The following INTS3 variants were observed in gnomAD, a reference collection of about 807,000 sequenced individuals.
INTS3 encodes the protein SOSS complex subunit A.
A neutral mutation model predicts 146.3 loss-of-function variants in INTS3; 34 were observed. That is an observed-to-expected ratio of 0.23 (90% CI 0.18 to 0.31). The LOEUF is 0.31. Among genes scored for constraint, INTS3 ranks in the 10% least tolerant of loss-of-function variants. The pLI is 1.00. For missense variants in INTS3, 757 were observed against 1,304.2 expected (o/e 0.58, Z 6.46); for synonymous variants, 475 against 494.9 (o/e 0.96, Z 0.53).
chr1:153,734,345 A>C (rs1430406468), intron 1 of INTS3, among the ~76,000 whole-genome samples: 1 of 152,134 alleles, frequency 6.6e-6, no homozygotes. Context: ...AATGATTTGT[A>C]ATCAATTTTC....
chr1:153,740,902 C>G (rs1671506361), intron 2 of INTS3, among the ~76,000 whole-genome samples, 168 bp downstream of exon 2: 1 of 152,140 alleles, frequency 6.6e-6, no homozygotes, highest in Admixed American at 6.5e-5. Context: ...GGGAGCCTAT[C>G]TCTTGGAGCC....
intron 18 of INTS3, 139 bp downstream of exon 18, chr1:153,764,360 T>A (rs1334139820): frequency 3.0e-6 from 2 of 659,288 alleles, no homozygotes; most frequent in Non-Finnish European, 5.5e-6. Context: ...ACCAACTCAT[T>A]TAAACAAGAG....
chr1:153,764,025 A>T, intron 17 of INTS3, 93 bp from the exon 18 acceptor site: 1 of 1,294,850 alleles, frequency 7.7e-7, no homozygotes. Context: ...CTGATCCTGG[A>T]GGTGGAAGCA....
intron 23 of INTS3, 71 bp from the exon 24 acceptor site, chr1:153,770,125 GGT>G (rs1672776014): frequency 9.3e-5 from 55 of 589,412 alleles, no homozygotes; most frequent in Non-Finnish European, 1.2e-4. Context: ...TGGATGGGGG[GGT>G]GGGGGGGGTG....
chr1:153,754,673 C>A lies in INTS3; in HGVS notation c.891C>A (p.Ser297=). The change falls in exon 9 of 30, where the codon TCC becomes TCA. Residue 297 remains serine, a synonymous_variant. Transcript: ENST00000318967. ...TACAGCTTCTTCAGTCAAGAACATCCCGAAAATTCCTAGCATGTCGTCTAA... is the reference window on the plus strand; with the variant it reads ...TACAGCTTCTTCAGTCAAGAACATCACGAAAATTCCTAGCATGTCGTCTAA... ...GILQLLQSRT[S]RKFLACRLTP... is the part of the protein sequence containing the mutation. The A allele has an allele frequency of 6.2e-7, 1 of 1,613,224 alleles. No homozygotes were observed. The highest frequency in any genetic ancestry group is 8.5e-7 in the Non-Finnish European group (1 of 1,179,152).
At chr1:153,770,869 C>G in intron 25 of INTS3, 136 bp downstream of exon 25, 5 of 718,886 alleles carry the variant, frequency 7.0e-6, no homozygotes, top group Non-Finnish European at 9.8e-6. Context: ...TGCCCTTCCC[C>G]CAACGTGACT....
chr1:153,770,559 C>T, intron 24 of INTS3, 126 bp from the exon 25 acceptor site: 1 of 824,098 alleles, frequency 1.2e-6, no homozygotes, highest in East Asian at 2.6e-5. Flanking sequence ...GTAGGGGATT[C>T]TTCCTGGCTC....
intron 1 of INTS3, among the ~76,000 whole-genome samples, chr1:153,734,261 G>A (rs950215071): frequency 2.6e-5 from 4 of 152,156 alleles, no homozygotes; most frequent in South Asian, 2.1e-4. Context: ...GGGGAAAAGC[G>A]TTGCTATTAC....
chr1:153,760,968 T>G, intron 13 of INTS3, 50 bp downstream of exon 13: 5 of 1,581,566 alleles, frequency 3.2e-6, no homozygotes, highest in Non-Finnish European at 4.3e-6. Context: ...TTTCATTAGG[T>G]CCAGGTGTAT....
intron 25 of INTS3, among the ~76,000 whole-genome samples, chr1:153,771,336 G>A (rs554534698): frequency 4.5e-4 from 69 of 152,272 alleles, no homozygotes; most frequent in African/African-American, 1.6e-3. Context: ...ACTATAAATG[G>A]TACAGAGTGT....
intron 13 of INTS3, chr1:153,761,155 T>G: frequency 1.9e-6 from 2 of 1,073,796 alleles, no homozygotes; most frequent in Non-Finnish European, 2.6e-6. Flanking sequence ...TTCAGGGATC[T>G]GAGTATGGTC....
At chr1:153,739,920 C>G (rs1671458714) in intron 1 of INTS3, among the ~76,000 whole-genome samples, 2 of 146,746 alleles carry the variant, frequency 1.4e-5, no homozygotes, top group African/African-American at 5.1e-5. Context: ...TCAGTCTCCT[C>G]CTCCTGAGTA....
chr1:153,732,748 A>G (rs1671125324), intron 1 of INTS3, among the ~76,000 whole-genome samples: 1 of 151,198 alleles, frequency 6.6e-6, no homozygotes, highest in South Asian at 2.1e-4. Flanking sequence ...GTGCCTGGCC[A>G]TCCTTGGGGA....
At chr1:153,760,677 G>A (rs1056225357) in intron 12 of INTS3, 150 bp from the exon 13 acceptor site, 1 of 699,294 alleles carries the variant, frequency 1.4e-6, no homozygotes, top group Non-Finnish European at 2.5e-6. Flanking sequence ...TCATTTGAGT[G>A]GCCTGGAGTG....
intron 18 of INTS3, among the ~76,000 whole-genome samples, chr1:153,764,480 T>C (rs1672500395): frequency 6.6e-6 from 1 of 152,202 alleles, no homozygotes; most frequent in African/African-American, 2.4e-5. Context: ...TTAGGTGTGA[T>C]TGGACCTTGG....
intron 10 of INTS3, among the ~76,000 whole-genome samples, chr1:153,759,059 G>A (rs543254747): frequency 6.0e-4 from 91 of 152,190 alleles, no homozygotes; most frequent in African/African-American, 2.1e-3. Context: ...CAAGGCTGGA[G>A]TAAGCCGTGA....
At position 153,772,653 on chromosome 1, in the gene INTS3, C is replaced by A. The variant is rs772671389; in HGVS notation, c.2836C>A (p.Pro946Thr). Residue 946 changes from proline (P) to threonine (T), a missense_variant, in exon 28 of 30, where the codon CCA becomes ACA. Physicochemically the swap from Pro to Thr is conservative, Grantham distance 38 (BLOSUM62 -1). Coordinates refer to ENST00000318967, the MANE Select transcript of INTS3 (RefSeq NM_023015.5). The surrounding 1 kb of genome is among the most constrained non-coding windows in gnomAD (Gnocchi z 4.6). Reference protein sequence around the residue: ...NTKQNFFSQTPILQALQHVQA... With the variant: ...NTKQNFFSQTTILQALQHVQA... ...TCTTCCTCTAGTTTTTAGCCAGACG[C>A]CAATTCTCCAGGCGCTGCAGCATGT... is the stretch of plus-strand genomic sequence containing the variant. 6.2e-7 allele frequency: 1 copy of A among 1,614,218 alleles called. No individual in the cohort carries two copies. Among genetic ancestry groups the A allele is most frequent in the East Asian group, 2.2e-5 (1 of 44,882 alleles).
intron 14 of INTS3, 95 bp from the exon 15 acceptor site, chr1:153,762,633 C>G: frequency 3.4e-6 from 5 of 1,454,802 alleles, no homozygotes; most frequent in Non-Finnish European, 4.7e-6. Context: ...ACTCCTTATT[C>G]TCTCACTTGC....
chr1:153,772,975 A>G lies in INTS3; in HGVS notation c.2945A>G (p.Lys982Arg), dbSNP rs1014942864. ...GAGGAATATGAGGACTCTTCCACCAAGCCACCCAAGAGCCGGCGAAAAGCA... is the reference window on the plus strand; with the variant it reads ...GAGGAATATGAGGACTCTTCCACCAGGCCACCCAAGAGCCGGCGAAAAGCA... ...LAEEYEDSSTKPPKSRRKAAL... is the reference protein window; with the variant it reads ...LAEEYEDSSTRPPKSRRKAAL... Residue 982 changes from lysine to arginine, a missense_variant, in exon 29 of 30, where the codon AAG becomes AGG. Around this residue, in one of 8 missense-constraint regions of INTS3, gnomAD observed 125 missense variants for 165.6 expected, o/e 0.75. Coordinates refer to ENST00000318967, the MANE Select transcript of INTS3 (RefSeq NM_023015.5). This position sits in a 1 kb window ranked among gnomAD's most constrained non-coding sequence, Gnocchi z 4.6. 4.3e-6 allele frequency: 7 copies of G among 1,614,162 alleles called. No individual in the cohort carries two copies. Among genetic ancestry groups the G allele is most frequent in the Non-Finnish European group, 5.9e-6 (7 of 1,180,028 alleles).
Sources: gnomAD v4.1 joint callset for allele counts (sites outside exome capture counted in the v4.1 genomes callset) on GRCh38, gnomAD v4.1.1 for gene constraint, gnomAD v4.1.1 regional missense constraint, Gnocchi (gnomAD v3.1) non-coding constraint, MANE v1.5 for transcripts, NCBI Gene and HGNC (gene_info 2026-07-23, HGNC 2026-07-21) for gene names.